The following CEP70 variants were observed in gnomAD, a reference collection of about 807,000 sequenced individuals.
CEP70 encodes the protein centrosomal protein 70.
Under a neutral mutation model 90.9 loss-of-function variants are expected in CEP70, and 70 were observed. The ratio of observed to expected loss-of-function variants is 0.77; its 90% CI spans 0.64 to 0.94. The LOEUF (loss-of-function observed/expected upper bound fraction) is 0.94. Among genes scored for constraint, CEP70 ranks in the 40% least tolerant of loss-of-function variants. CEP70 has a pLI of 0.00. For synonymous variants in CEP70, 220 were observed against 228.3 expected, an observed-to-expected ratio of 0.96 and a Z score of 0.33; for missense variants, 648 against 669.0, an observed-to-expected ratio of 0.97 and a Z score of 0.35.
chr3:138,496,250 G>A (rs1299561236), intron 17 of CEP70: 12 of 985,262 alleles, frequency 1.2e-5, no homozygotes, highest in Non-Finnish European at 1.3e-5. Flanking sequence ...CCATTGTGTA[G>A]CTGGATCTTG....
chr3:138,553,296 G>A lies in CEP70; in HGVS notation c.466-15949C>T, dbSNP rs144585096. On this transcript the variant is annotated intron_variant, in intron 6 of 17. Transcript: ENST00000264982. Reference sequence around the variant, plus strand: ...AGATCGAGACCATCCTGGCTAACACGGTGAAACCCCGTGTCTACTAAAAAT... The same window carrying A: ...AGATCGAGACCATCCTGGCTAACACAGTGAAACCCCGTGTCTACTAAAAAT... Among the ~76,000 whole-genome samples, 695 of 152,144 alleles carry A rather than the reference G, an allele frequency of 4.6e-3. 3 individuals are homozygous for A. Among genetic ancestry groups the A allele is most frequent in the African/African-American group, 6.1e-3 (252 of 41,500 alleles).
chr3:138,498,338 CTT>C (rs200581423), intron 16 of CEP70, among the ~76,000 whole-genome samples: 15 of 135,818 alleles, frequency 1.1e-4, no homozygotes, highest in Admixed American at 1.5e-4. Flanking sequence ...ATATAACATT[CTT>C]TTTTTTTTTT....
chr3:138,497,613 A>C, intron 17 of CEP70: 1 of 954,570 alleles, frequency 1.0e-6, no homozygotes, highest in Non-Finnish European at 1.2e-6. Flanking sequence ...ACTTTATGTT[A>C]CTTCATATAA....
intron 2 of CEP70, among the ~76,000 whole-genome samples, chr3:138,576,839 C>G (rs979671899): frequency 2.0e-5 from 3 of 152,182 alleles, no homozygotes; most frequent in African/African-American, 7.2e-5. Context: ...GAACAACCTG[C>G]TCCTGAATGA....
chr3:138,499,606 G>A (rs980088526), intron 16 of CEP70, among the ~76,000 whole-genome samples: 1 of 152,040 alleles, frequency 6.6e-6, no homozygotes, highest in African/African-American at 2.4e-5. Flanking sequence ...ATCCCTAAGG[G>A]TTTGAGATTA....
At chr3:138,521,637 C>T (rs2036650269) in intron 11 of CEP70, among the ~76,000 whole-genome samples, 1 of 149,870 alleles carries the variant, frequency 6.7e-6, no homozygotes, top group Non-Finnish European at 1.5e-5. Context: ...GTGAGGAGTG[C>T]CTCTGCCCGG....
chr3:138,555,182 G>C (rs1329583604), intron 6 of CEP70, among the ~76,000 whole-genome samples: 1 of 149,040 alleles, frequency 6.7e-6, no homozygotes, highest in Non-Finnish European at 1.5e-5. Context: ...CCAGTAGGGG[G>C]AGGTTGCAGT....
chr3:138,573,112 T>A (rs2041291694), intron 2 of CEP70, 180 bp from the exon 3 acceptor site: 1 of 586,762 alleles, frequency 1.7e-6, no homozygotes, highest in African/African-American at 1.9e-5. Context: ...GATAGCTGAT[T>A]GTAAGACTCA....
intron 6 of CEP70, among the ~76,000 whole-genome samples, chr3:138,547,985 T>G (rs1412590459): frequency 6.6e-6 from 1 of 152,184 alleles, no homozygotes; most frequent in Non-Finnish European, 1.5e-5. Context: ...GGGGAACTAC[T>G]GTATACAAAA....
At chr3:138,528,582 G>A (rs995677636) in intron 10 of CEP70, among the ~76,000 whole-genome samples, 5 of 152,130 alleles carry the variant, frequency 3.3e-5, no homozygotes, top group African/African-American at 4.8e-5. Context: ...AAAATTGGCC[G>A]GATGCAGTGG....
At chr3:138,583,785 A>T (rs1350189528) in intron 2 of CEP70, among the ~76,000 whole-genome samples, 1 of 152,166 alleles carries the variant, frequency 6.6e-6, no homozygotes, top group Non-Finnish European at 1.5e-5. Flanking sequence ...AACATACCAA[A>T]ACCTATGGGA....
At chr3:138,542,403 A>G (rs919837628) in intron 6 of CEP70, among the ~76,000 whole-genome samples, 4 of 152,152 alleles carry the variant, frequency 2.6e-5, no homozygotes, top group African/African-American at 4.8e-5. Flanking sequence ...GAGGTTTGGG[A>G]TCCCAGAAGA....
chr3:138,558,054 G>A (rs898546666), intron 6 of CEP70, among the ~76,000 whole-genome samples: 2 of 152,066 alleles, frequency 1.3e-5, no homozygotes, highest in African/African-American at 4.8e-5. Flanking sequence ...AAAATTACAG[G>A]ACCATGATTC....
chr3:138,578,755 A>G lies in CEP70; in HGVS notation c.-5-5823T>C, dbSNP rs79280105. On this transcript the variant is annotated intron_variant, in intron 2 of 17. Transcript: ENST00000264982. ...AAGTTCAGAAAAACTAATTTTACATAAAAGTGAGCAAAGAAAAGCACTGAG... is the reference window on the plus strand; with the variant it reads ...AAGTTCAGAAAAACTAATTTTACATGAAAGTGAGCAAAGAAAAGCACTGAG... Among the ~76,000 whole-genome samples, 942 of 152,388 alleles carry G rather than the reference A, an allele frequency of 6.2e-3. 4 individuals carry two copies. The highest frequency in any genetic ancestry group is 0.01 in the Non-Finnish European group (710 of 68,040).
At chr3:138,565,142 T>C (rs1168253570) in intron 6 of CEP70, among the ~76,000 whole-genome samples, 1 of 152,078 alleles carries the variant, frequency 6.6e-6, no homozygotes, top group Non-Finnish European at 1.5e-5. Flanking sequence ...TTACAAGAGA[T>C]GTAAAGGACC....
At chr3:138,539,802 T>C (rs1214874833) in intron 6 of CEP70, among the ~76,000 whole-genome samples, 1 of 152,102 alleles carries the variant, frequency 6.6e-6, no homozygotes, top group Non-Finnish European at 1.5e-5. Context: ...TAAACATCCA[T>C]GAACAGGAAG....
intron 6 of CEP70, among the ~76,000 whole-genome samples, chr3:138,538,092 C>G (rs1012755429): frequency 2.0e-5 from 3 of 152,150 alleles, no homozygotes; most frequent in African/African-American, 7.2e-5. Context: ...AGATCAAGAC[C>G]AACTTCCCCA....
At chr3:138,569,970 G>A (rs1327966238) in intron 6 of CEP70, among the ~76,000 whole-genome samples, 4 of 152,280 alleles carry the variant, frequency 2.6e-5, no homozygotes, top group African/African-American at 9.6e-5. Context: ...TCGGGGAGAG[G>A]ACTGGGCTAC....
chr3:138,527,504 C>G (rs1047008523), intron 10 of CEP70, among the ~76,000 whole-genome samples: 1 of 151,580 alleles, frequency 6.6e-6, no homozygotes, highest in African/African-American at 2.4e-5. Context: ...ACCATCCTGG[C>G]TAACATGGTG....
Sources: allele counts gnomAD v4.1 joint callset (sites outside exome capture counted in the v4.1 genomes callset), GRCh38; gene constraint gnomAD v4.1.1; transcripts MANE v1.5; gene names NCBI Gene and HGNC (gene_info 2026-07-23, HGNC 2026-07-21).